The following CAMK2G variants were observed in gnomAD, a reference collection of about 807,000 sequenced individuals.
CAMK2G encodes calcium/calmodulin-dependent protein kinase type II subunit gamma.
Under a neutral mutation model 88.7 loss-of-function variants are expected in CAMK2G, and 23 were observed. That is an observed-to-expected ratio of 0.26 (90% CI 0.19 to 0.37). CAMK2G has a LOEUF of 0.37. Among genes scored for constraint, CAMK2G ranks in the 10% least tolerant of loss-of-function variants. The pLI is 1.00. For missense variants in CAMK2G, 476 were observed against 780.8 expected (o/e 0.61, Z 4.65); for synonymous variants, 263 against 294.8 (o/e 0.89, Z 1.11).
At chr10:73,837,642 G>C in intron 13 of CAMK2G, 131 bp from the exon 14 acceptor site, 1 of 784,406 alleles carries the variant, frequency 1.3e-6, no homozygotes, top group Non-Finnish European at 2.3e-6. Flanking sequence ...ACCCCCAAAA[G>C]AGGCACTTCC....
intron 2 of CAMK2G, among the ~76,000 whole-genome samples, chr10:73,870,608 A>G (rs1291796276): frequency 6.6e-6 from 1 of 152,196 alleles, no homozygotes; most frequent in East Asian, 1.9e-4. Context: ...AGAGAATCAC[A>G]AACAAGAAAG....
intron 10 of CAMK2G, among the ~76,000 whole-genome samples, chr10:73,843,012 ATGAT>A (rs2093929106): frequency 6.6e-6 from 1 of 151,926 alleles, no homozygotes; most frequent in African/African-American, 2.4e-5. Flanking sequence ...GAATGAAGCC[ATGAT>A]CCCAGAAGCT....
intron 3 of CAMK2G, among the ~76,000 whole-genome samples, chr10:73,858,535 C>T (rs1400586149): frequency 1.3e-5 from 2 of 152,214 alleles, no homozygotes; most frequent in Admixed American, 6.5e-5. Context: ...TTGACTCCCC[C>T]TTCCCTCTGC....
At chr10:73,814,727 G>A in intron 22 of CAMK2G, 1 of 444,962 alleles carries the variant, frequency 2.2e-6, no homozygotes, top group Non-Finnish European at 4.1e-6. Context: ...ATTAAATGAG[G>A]TAGGCACCAC....
chr10:73,856,276 A>G (rs2095032977), intron 3 of CAMK2G, among the ~76,000 whole-genome samples: 1 of 152,180 alleles, frequency 6.6e-6, no homozygotes, highest in South Asian at 2.1e-4. Flanking sequence ...AATCACACTA[A>G]GTGGCAGAAC....
At position 73,848,221 on chromosome 10, in the gene CAMK2G, T is replaced by TA; in HGVS notation, c.602-140dup. The stretch of plus-strand genomic sequence containing the variant: ...AGAAGTGGATGCCAGCCGATAATGC[T>TA]ATGCTACCAGCCCCTCCTGCTATGC... On this transcript the variant is annotated intron_variant, in intron 8 of 22. Coordinates refer to ENST00000423381, the MANE Select transcript of CAMK2G (RefSeq NM_001367534.1). The surrounding 1 kb of genome is among the most constrained non-coding windows in gnomAD (Gnocchi z 4.5). 1.5e-6 allele frequency: 1 copy of TA among 666,024 alleles called. No individual in the cohort carries two copies. Among genetic ancestry groups the TA allele is most frequent in the East Asian group, 2.5e-5 (1 of 39,522 alleles). 41.3% of individuals were successfully genotyped at this position (666,024 alleles called of 1,614,324 possible).
chr10:73,850,923 C>T (rs1005796273), intron 5 of CAMK2G, among the ~76,000 whole-genome samples: 4 of 152,180 alleles, frequency 2.6e-5, no homozygotes, highest in African/African-American at 9.7e-5. Flanking sequence ...CCAAAAATGG[C>T]AAAAGTGCGA....
intron 15 of CAMK2G, among the ~76,000 whole-genome samples, chr10:73,827,057 C>G (rs146070943): frequency 1.0e-3 from 156 of 152,184 alleles, no homozygotes; most frequent in African/African-American, 3.4e-3. Flanking sequence ...CTGACCTGTT[C>G]GGGGTTGGTT....
intron 3 of CAMK2G, 36 bp from the exon 4 acceptor site, chr10:73,853,282 G>A (rs1468198641): frequency 1.9e-6 from 3 of 1,595,516 alleles, no homozygotes; most frequent in African/African-American, 2.7e-5. Flanking sequence ...GATTAACAGA[G>A]AGAAAACTTG....
intron 21 of CAMK2G, chr10:73,816,216 G>C: frequency 1.0e-6 from 1 of 986,786 alleles, no homozygotes; most frequent in Non-Finnish European, 1.2e-6. Flanking sequence ...GAACTGTCCA[G>C]AATGTACACC....
Position 73,842,686 on chromosome 10 carries a change from G to C in CAMK2G, c.820-145C>G. On this transcript the variant is annotated intron_variant, in intron 10 of 22. Coordinates refer to ENST00000423381, the MANE Select transcript of CAMK2G (RefSeq NM_001367534.1). This position sits in a 1 kb window ranked among gnomAD's most constrained non-coding sequence, Gnocchi z 4.6. Reference sequence around the variant, plus strand: ...GAAGATGAAATGAGGTCACAGATGTGAAAACGCTTTTAGAATAAAAGCACT... The same window carrying C: ...GAAGATGAAATGAGGTCACAGATGTCAAAACGCTTTTAGAATAAAAGCACT... 1 of 620,826 alleles carries C rather than the reference G, an allele frequency of 1.6e-6. No homozygotes were observed. The highest frequency in any genetic ancestry group is 2.9e-6 in the Non-Finnish European group (1 of 348,022). 38.5% of individuals were successfully genotyped at this position (620,826 alleles called of 1,614,324 possible).
intron 3 of CAMK2G, among the ~76,000 whole-genome samples, chr10:73,860,333 G>A (rs2095315700): frequency 6.6e-6 from 1 of 152,164 alleles, no homozygotes; most frequent in African/African-American, 2.4e-5. Context: ...CTCCAGAGGA[G>A]CCAGGCAGGG....
At chr10:73,830,488 T>G (rs554602638) in intron 14 of CAMK2G, among the ~76,000 whole-genome samples, 3 of 152,388 alleles carry the variant, frequency 2.0e-5, no homozygotes, top group South Asian at 4.1e-4. Flanking sequence ...TTAAAAACTG[T>G]ATATTTATTT....
chr10:73,814,964 A>G, intron 22 of CAMK2G, 39 bp downstream of exon 22: 2 of 1,409,670 alleles, frequency 1.4e-6, no homozygotes, highest in Non-Finnish European at 9.9e-7. Flanking sequence ...CACCTATCCC[A>G]GGCCCTTCCA....
At chr10:73,861,196 T>C (rs746411132) in intron 2 of CAMK2G, among the ~76,000 whole-genome samples, 6 of 152,180 alleles carry the variant, frequency 3.9e-5, no homozygotes, top group Non-Finnish European at 2.9e-5. Context: ...CTGGGCCAGA[T>C]AGATAGTTAT....
At chr10:73,843,861 TTTCAGCTCAGAC>T (rs922448942) in intron 10 of CAMK2G, among the ~76,000 whole-genome samples, 13 of 152,104 alleles carry the variant, frequency 8.5e-5, no homozygotes, top group African/African-American at 2.9e-4. Context: ...CAAGAACCCC[TTTCAGCTCAGAC>T]TTCCACTCAC....
At chr10:73,817,769 C>T in intron 19 of CAMK2G, 1 of 575,040 alleles carries the variant, frequency 1.7e-6, no homozygotes, top group South Asian at 2.2e-5. Context: ...TCCTGAAGCC[C>T]AGCCATTAGT....
chr10:73,815,871 G>A, intron 21 of CAMK2G: 1 of 985,328 alleles, frequency 1.0e-6, no homozygotes, highest in Non-Finnish European at 1.2e-6. Context: ...AGCATATGCT[G>A]TGAAAACTGT....
Position 73,848,511 on chromosome 10 carries a change from G to T in CAMK2G, c.601+15C>A. ...CCCTTAACAGCGAAAAGCTGAGAGC[G>T]TGGAATGGGCTTACCGCAGGCCCAG... On this transcript the variant is annotated intron_variant, in intron 8 of 22. Transcript: ENST00000423381. The surrounding 1 kb of genome is among the most constrained non-coding windows in gnomAD (Gnocchi z 4.5). 6.3e-7 allele frequency: 1 copy of T among 1,579,360 alleles called. No individual in the cohort carries two copies. The highest frequency in any genetic ancestry group is 8.7e-7 in the Non-Finnish European group (1 of 1,149,318).
Sources: allele counts gnomAD v4.1 joint callset (sites outside exome capture counted in the v4.1 genomes callset), GRCh38; gene constraint gnomAD v4.1.1; non-coding constraint Gnocchi (gnomAD v3.1); transcripts MANE v1.5; gene names NCBI Gene and HGNC (gene_info 2026-07-23, HGNC 2026-07-21).